Variants in SLC25A19 observed in about 807,000 individuals in gnomAD.
The protein encoded by SLC25A19 is mitochondrial thiamine pyrophosphate carrier.
A neutral mutation model predicts 27.9 loss-of-function variants in SLC25A19; 18 were observed. The observed-to-expected ratio is 0.64, with a 90% CI of 0.45 to 0.96. The LOEUF is 0.96. SLC25A19 is among the 40% of genes least tolerant of loss of function. The pLI, the probability that SLC25A19 is intolerant of heterozygous loss-of-function variation, is 0.00. For missense variants in SLC25A19, 371 were observed against 418.3 expected (o/e 0.89, Z 0.99); for synonymous variants, 169 against 167.1 (o/e 1.01, Z -0.09).
intron 5 of SLC25A19, among the ~76,000 whole-genome samples, chr17:75,279,309 CTT>C (rs1333578011): frequency 1.1e-4 from 17 of 152,048 alleles, no homozygotes; most frequent in Non-Finnish European, 1.0e-4. Flanking sequence ...CTTGATACAT[CTT>C]ATATGTTGTA....
At chr17:75,284,985 C>T (rs1436431777) in intron 4 of SLC25A19, among the ~76,000 whole-genome samples, 2 of 152,168 alleles carry the variant, frequency 1.3e-5, no homozygotes, top group Non-Finnish European at 2.9e-5. Context: ...GTTGCCCAGG[C>T]TGGAGTGCAG....
chr17:75,289,375 G>C lies in SLC25A19; in HGVS notation c.-150C>G, dbSNP rs1290711608. 1 of 151,362 alleles carries C rather than the reference G, an allele frequency of 6.6e-6. No individual in the cohort carries two copies. Among genetic ancestry groups the C allele is most frequent in the African/African-American group, 2.5e-5 (1 of 40,510 alleles). 9.4% of individuals were successfully genotyped at this position (151,362 alleles called of 1,614,324 possible). ...TCACACGGCTCGGCGGGTGCGGCCC[G>C]GCTCAGCGCTCTCCGCTCTCTCTAG... On this transcript the variant is annotated 5_prime_UTR_variant, in exon 1 of 8. Transcript: ENST00000416858.
At chr17:75,280,939 AAAC>A (rs2078024307) in intron 5 of SLC25A19, among the ~76,000 whole-genome samples, 2 of 147,858 alleles carry the variant, frequency 1.4e-5, no homozygotes, top group South Asian at 4.5e-4. Context: ...AAAAACAAAC[AAAC>A]AACAACCAAA....
Position 75,286,685 on chromosome 17 carries a change from A to T in SLC25A19, c.80T>A (p.Leu27His). The change falls in exon 3 of 8, where the codon CTT (leucine) becomes CAT (histidine). Residue 27 changes from leucine to histidine, a missense_variant. Leu to His is a moderately conservative substitution (Grantham distance 99). Transcript: ENST00000416858. ...QVAVAGSVSG[L>H]VTRALISPFD... is the part of the protein sequence containing the mutation. The stretch of plus-strand genomic sequence containing the variant: ...GGGACTGATCAGCGCCCGAGTAACA[A>T]GTCCAGACACAGACCCAGCCACTGC... 1.2e-6 allele frequency: 2 copies of T among 1,614,168 alleles called. No homozygotes were observed. The highest frequency in any genetic ancestry group is 2.2e-5 in the South Asian group (2 of 91,086).
intron 4 of SLC25A19, among the ~76,000 whole-genome samples, chr17:75,285,085 A>C (rs1434744492): frequency 2.0e-5 from 3 of 151,028 alleles, no homozygotes; most frequent in Non-Finnish European, 4.4e-5. Context: ...GGTGTGTACC[A>C]CCATATCTGG....
At chr17:75,276,917 T>G (rs2077904135) in intron 7 of SLC25A19, among the ~76,000 whole-genome samples, 1 of 147,512 alleles carries the variant, frequency 6.8e-6, no homozygotes, top group African/African-American at 2.5e-5. Flanking sequence ...TCTCCTGACC[T>G]CGTGATCCAC....
chr17:75,278,720 G>A (rs1408022064), intron 5 of SLC25A19, among the ~76,000 whole-genome samples: 8 of 152,114 alleles, frequency 5.3e-5, no homozygotes, highest in Admixed American at 2.0e-4. Context: ...GGTGGCTCAC[G>A]CCTGTAATCC....
intron 5 of SLC25A19, 65 bp downstream of exon 5, chr17:75,283,358 A>G (rs1211847783): frequency 1.4e-6 from 2 of 1,439,858 alleles, no homozygotes; most frequent in African/African-American, 2.9e-5. Flanking sequence ...AAAAATAAAG[A>G]ATGCTACCCC....
chr17:75,276,508 C>T (rs1025145687), intron 7 of SLC25A19, among the ~76,000 whole-genome samples: 1 of 151,730 alleles, frequency 6.6e-6, no homozygotes, highest in African/African-American at 2.4e-5. Flanking sequence ...GCTGGGACTA[C>T]AGGCGCCCAC....
At chr17:75,280,444 C>T (rs1428597073) in intron 5 of SLC25A19, among the ~76,000 whole-genome samples, 2 of 151,654 alleles carry the variant, frequency 1.3e-5, no homozygotes, top group South Asian at 2.1e-4. Flanking sequence ...CTCAGGTGGG[C>T]GGATCACTTG....
Position 75,286,288 on chromosome 17 carries a change from G to C in SLC25A19, c.288+16C>G, listed in dbSNP as rs773558784. The C allele has an allele frequency of 1.2e-6, 2 of 1,613,110 alleles. No homozygotes were observed. Among genetic ancestry groups the C allele is most frequent in the Non-Finnish European group, 1.7e-6 (2 of 1,179,978 alleles). ...AACGTGACCCCAGAGGTCTGGCCAGGTCCCTTGCCACCTACTTGGACAGCT... is the reference window on the plus strand; with the variant it reads ...AACGTGACCCCAGAGGTCTGGCCAGCTCCCTTGCCACCTACTTGGACAGCT... On this transcript the variant is annotated intron_variant, in intron 4 of 7. Coordinates refer to ENST00000416858, the MANE Select transcript of SLC25A19 (RefSeq NM_001126121.2).
chr17:75,278,203 A>G lies in SLC25A19; in HGVS notation c.592T>C (p.Ser198Pro). 1 of 1,613,870 alleles carries G rather than the reference A, an allele frequency of 6.2e-7. No individual in the cohort carries two copies. Among genetic ancestry groups the G allele is most frequent in the Non-Finnish European group, 8.5e-7 (1 of 1,179,996 alleles). ...YAGLQFSCYSSLKHLYKWAIP... is the reference protein window; with the variant it reads ...YAGLQFSCYSPLKHLYKWAIP... Reference sequence around the variant, plus strand: ...GCCCACTTGTACAGGTGCTTCAAGGAGCTGTAGCAAGAGAACTGCAGCCCG... The same window carrying G: ...GCCCACTTGTACAGGTGCTTCAAGGGGCTGTAGCAAGAGAACTGCAGCCCG... The change falls in exon 6 of 8, where the codon TCC becomes CCC. Residue 198 changes from serine (S) to proline (P), a missense_variant. Ser to Pro is a moderately conservative substitution (Grantham distance 74, BLOSUM62 -1). Transcript: ENST00000416858.
chr17:75,274,973 CTTTTTTTTTTTTTTTTTTTTTTTTT>C (rs67040059), intron 7 of SLC25A19, among the ~76,000 whole-genome samples: 2 of 47,174 alleles, frequency 4.2e-5, no homozygotes, highest in Non-Finnish European at 3.7e-5. Context: ...GGATTTTGGT[CTTTTTTTTTTTTTTTTTTTTTTTTT>C]TTTTTTTTGA....
intron 4 of SLC25A19, 70 bp from the exon 5 acceptor site, chr17:75,283,663 A>G: frequency 6.7e-7 from 1 of 1,497,922 alleles, no homozygotes; most frequent in East Asian, 2.3e-5. Flanking sequence ...CTCCCCAAAT[A>G]CATCACCCGT....
intron 4 of SLC25A19, 133 bp downstream of exon 4, chr17:75,286,171 G>A: frequency 4.5e-6 from 5 of 1,099,778 alleles, no homozygotes; most frequent in Non-Finnish European, 6.9e-6. Context: ...GCTCCCGGGT[G>A]AGGCAGGTGG....
At chr17:75,280,462 C>T (rs2078011321) in intron 5 of SLC25A19, among the ~76,000 whole-genome samples, 1 of 152,042 alleles carries the variant, frequency 6.6e-6, no homozygotes, top group Non-Finnish European at 1.5e-5. Context: ...TTGAGGCCAG[C>T]AGTTCCAGAC....
Position 75,286,323 on chromosome 17 carries a change from A to T in SLC25A19, c.269T>A (p.Ile90Lys). The T allele has an allele frequency of 1.2e-6, 2 of 1,614,002 alleles. No individual in the cohort carries two copies. Among genetic ancestry groups the T allele is most frequent in the Non-Finnish European group, 1.7e-6 (2 of 1,180,022 alleles). The change falls in exon 4 of 8, where the codon ATA (isoleucine) becomes AAA (lysine). Residue 90 changes from isoleucine (I) to lysine (K), a missense_variant. By Grantham distance (102) the Ile-to-Lys change is moderately radical (BLOSUM62 -3). Coordinates refer to ENST00000416858, the MANE Select transcript of SLC25A19 (RefSeq NM_001126121.2). ...KGHVPAQILS[I>K]GYGAVQFLSF... ...ACCTACTTGGACAGCTCCATAGCCT[A>T]TGGAGAGAATCTGAGCTGGGACGTG...
Position 75,286,305 on chromosome 17 carries a change from T to C in SLC25A19, c.287A>G (p.Gln96Arg), listed in dbSNP as rs1214199904. The C allele has an allele frequency of 2.5e-6, 4 of 1,613,668 alleles. No homozygotes were observed. The highest frequency in any genetic ancestry group is 1.7e-5 in the Admixed American group (1 of 59,986). Residue 96 changes from glutamine to arginine, a missense_variant and splice_region_variant, in exon 4 of 8, where the codon CAA becomes CGA. Transcript: ENST00000416858. Reference protein sequence around the residue: ...QILSIGYGAVQFLSFEMLTEL... With the variant: ...QILSIGYGAVRFLSFEMLTEL... Reference sequence around the variant, plus strand: ...CTGGCCAGGTCCCTTGCCACCTACTTGGACAGCTCCATAGCCTATGGAGAG... The same window carrying C: ...CTGGCCAGGTCCCTTGCCACCTACTCGGACAGCTCCATAGCCTATGGAGAG...
In SLC25A19 at chr17:75,283,127, G is replaced by A. The variant is rs548682747; in HGVS notation, c.459+296C>T. 1.3e-4 allele frequency among the ~76,000 whole-genome samples: 19 copies of A among 150,926 alleles called. No homozygotes were observed. In the South Asian group the frequency reaches 2.3e-3, roughly 18 times the overall value. ...ATCCTGGCTAACATGGTGAAACCCC[G>A]TCTCTACTAAAAATACAAAAAAAAT... On this transcript the variant is annotated intron_variant, in intron 5 of 7. Coordinates refer to ENST00000416858, the MANE Select transcript of SLC25A19 (RefSeq NM_001126121.2).
Sources: allele counts gnomAD v4.1 joint callset (sites outside exome capture counted in the v4.1 genomes callset), GRCh38; gene constraint gnomAD v4.1.1; transcripts MANE v1.5; gene names NCBI Gene and HGNC (gene_info 2026-07-23, HGNC 2026-07-21).